Variants in RALYL observed in about 807,000 individuals in gnomAD.
The protein encoded by RALYL is RALY RNA binding protein like.
Under a neutral mutation model 35.1 loss-of-function variants are expected in RALYL, and 29 were observed. The observed-to-expected ratio is 0.83, with a 90% CI of 0.61 to 1.13. The LOEUF (loss-of-function observed/expected upper bound fraction) is 1.13. Ranked by LOEUF, RALYL falls within the 50% of genes most tolerant of loss-of-function variation. The pLI is 0.00. For missense variants in RALYL, 359 were observed against 360.4 expected (o/e 1.00, Z 0.03); for synonymous variants, 120 against 127.6 (o/e 0.94, Z 0.40).
At chr8:84,605,857 C>T (rs1042801237) in intron 2 of RALYL, among the ~76,000 whole-genome samples, 5 of 152,212 alleles carry the variant, frequency 3.3e-5, no homozygotes, top group Non-Finnish European at 7.4e-5. Flanking sequence ...CTATGATGCT[C>T]GTGGCTAAGT....
chr8:84,550,667 T>C (rs1266397122), intron 2 of RALYL, among the ~76,000 whole-genome samples: 1 of 151,814 alleles, frequency 6.6e-6, no homozygotes, highest in African/African-American at 2.4e-5. Context: ...AGAAATATGT[T>C]TGTCCTTTAG....
At chr8:84,251,847 CT>C (rs899957302) in intron 1 of RALYL, among the ~76,000 whole-genome samples, 5 of 150,404 alleles carry the variant, frequency 3.3e-5, no homozygotes, top group African/African-American at 9.7e-5. Context: ...ATTTTCATTT[CT>C]TTTTTTTTCT....
intron 4 of RALYL, among the ~76,000 whole-genome samples, chr8:84,816,087 T>C (rs1563668425): frequency 6.9e-6 from 1 of 145,384 alleles, no homozygotes; most frequent in South Asian, 2.2e-4. Context: ...AAGCACAGAG[T>C]GATCATCAAG....
At chr8:84,869,172 A>G (rs1164686616) in intron 6 of RALYL, among the ~76,000 whole-genome samples, 1 of 152,162 alleles carries the variant, frequency 6.6e-6, no homozygotes, top group African/African-American at 2.4e-5. Context: ...CTGAAGCTGC[A>G]TGGCACAATA....
In RALYL at chr8:84,841,414, C is replaced by A. The variant is rs534462666; in HGVS notation, c.366-8566C>A. ...AAAGGGATCAATTCAACAAGAAGAG[C>A]TAACTATCCTAAATATATATGCACC... On this transcript the variant is annotated intron_variant, in intron 4 of 8. Coordinates refer to ENST00000521268, the MANE Select transcript of RALYL (RefSeq NM_173848.7). Among the ~76,000 whole-genome samples the A allele has an allele frequency of 3.3e-5, 5 of 152,216 alleles. No individual in the cohort carries two copies. In the East Asian group the frequency reaches 9.7e-4, roughly 29 times the overall value.
intron 1 of RALYL, among the ~76,000 whole-genome samples, chr8:84,339,459 G>A (rs1039275113): frequency 2.6e-5 from 4 of 151,850 alleles, no homozygotes; most frequent in Non-Finnish European, 5.9e-5. Flanking sequence ...TCTAATGCCT[G>A]ATGTTCTGTC....
chr8:84,881,431 C>G (rs759719033), intron 7 of RALYL, among the ~76,000 whole-genome samples: 11 of 151,972 alleles, frequency 7.2e-5, no homozygotes, highest in Non-Finnish European at 1.2e-4. Flanking sequence ...TACAATTCAG[C>G]TAGCAATTAT....
At chr8:84,716,808 A>G (rs966689643) in intron 2 of RALYL, among the ~76,000 whole-genome samples, 5 of 152,196 alleles carry the variant, frequency 3.3e-5, no homozygotes, top group African/African-American at 1.2e-4. Context: ...AATTTATTTG[A>G]TTTTGAAATA....
At chr8:84,744,666 G>C (rs1808191926) in intron 2 of RALYL, among the ~76,000 whole-genome samples, 1 of 151,876 alleles carries the variant, frequency 6.6e-6, no homozygotes, top group African/African-American at 2.4e-5. Flanking sequence ...AAAGACCAAG[G>C]CCATTCAGAG....
intron 2 of RALYL, among the ~76,000 whole-genome samples, chr8:84,639,928 G>A (rs1288515462): frequency 6.6e-6 from 1 of 152,002 alleles, no homozygotes; most frequent in Non-Finnish European, 1.5e-5. Context: ...TTTAGCTACT[G>A]TGATGTGATC....
intron 2 of RALYL, among the ~76,000 whole-genome samples, chr8:84,667,127 G>A (rs1041572521): frequency 2.6e-5 from 4 of 151,918 alleles, no homozygotes; most frequent in African/African-American, 7.2e-5. Context: ...GAAGAAAACA[G>A]GTAATTTGAC....
chr8:84,209,767 CAAAG>C (rs1819001753), intron 1 of RALYL, among the ~76,000 whole-genome samples: 1 of 152,148 alleles, frequency 6.6e-6, no homozygotes, highest in Admixed American at 6.5e-5. Context: ...AAAAACATGA[CAAAG>C]TAGATTTGGC....
chr8:84,490,657 T>C (rs1424322734), intron 1 of RALYL, among the ~76,000 whole-genome samples: 3 of 151,648 alleles, frequency 2.0e-5, no homozygotes, highest in Admixed American at 1.3e-4. Flanking sequence ...AGTGGGCATT[T>C]CCAAGAATAT....
chr8:84,714,500 T>C (rs1389862084), intron 2 of RALYL, among the ~76,000 whole-genome samples: 1 of 151,292 alleles, frequency 6.6e-6, no homozygotes, highest in Non-Finnish European at 1.5e-5. Context: ...ATTATATATA[T>C]ATATAATTTT....
chr8:84,436,312 T>C (rs1023690683), intron 1 of RALYL, among the ~76,000 whole-genome samples: 10 of 152,002 alleles, frequency 6.6e-5, no homozygotes, highest in African/African-American at 2.2e-4. Context: ...ATTGAAGAGG[T>C]AGAGGGCTAG....
chr8:84,739,403 G>T (rs1847882448), intron 2 of RALYL, among the ~76,000 whole-genome samples: 3 of 151,736 alleles, frequency 2.0e-5, no homozygotes, highest in South Asian at 4.1e-4. Context: ...TGTAAAATAA[G>T]ATAATATAAA....
chr8:84,864,741 G>A, intron 6 of RALYL: 1 of 583,238 alleles, frequency 1.7e-6, no homozygotes. Context: ...AGCTTGGCAG[G>A]CCTGGTTTAC....
At chr8:84,460,227 A>C (rs1007600115) in intron 1 of RALYL, among the ~76,000 whole-genome samples, 7 of 151,758 alleles carry the variant, frequency 4.6e-5, no homozygotes, top group African/African-American at 1.7e-4. Flanking sequence ...TGGAAGATCT[A>C]TATTTGTGGA....
chr8:84,339,725 T>G (rs1372573238), intron 1 of RALYL, among the ~76,000 whole-genome samples: 1 of 151,846 alleles, frequency 6.6e-6, no homozygotes, highest in Non-Finnish European at 1.5e-5. Flanking sequence ...CGAAAACATT[T>G]CCCCCGTAAG....
Sources: allele counts gnomAD v4.1 joint callset (sites outside exome capture counted in the v4.1 genomes callset), GRCh38; gene constraint gnomAD v4.1.1; transcripts MANE v1.5; gene names NCBI Gene and HGNC (gene_info 2026-07-23, HGNC 2026-07-21).